The following KIAA1549L variants were observed in gnomAD, a reference collection of about 807,000 sequenced individuals.
KIAA1549L encodes the protein UPF0606 protein KIAA1549L.
A neutral mutation model predicts 160.7 loss-of-function variants in KIAA1549L; 88 were observed. The observed-to-expected ratio is 0.55, with a 90% CI of 0.46 to 0.65. KIAA1549L has a LOEUF of 0.65. KIAA1549L is among the 30% of genes least tolerant of loss of function. The pLI is 0.00. For synonymous variants in KIAA1549L, 950 were observed against 976.7 expected, an observed-to-expected ratio of 0.97 and a Z score of 0.51; for missense variants, 2,258 against 2,437.5, an observed-to-expected ratio of 0.93 and a Z score of 1.55.
intron 16 of KIAA1549L, among the ~76,000 whole-genome samples, chr11:33,638,475 G>C (rs181558034): frequency 3.9e-5 from 2 of 51,812 alleles, no homozygotes; most frequent in African/African-American, 1.2e-4. Context: ...TCATCTATGA[G>C]TATTTTATTC....
chr11:33,450,453 A>G (rs1278970600), intron 1 of KIAA1549L, among the ~76,000 whole-genome samples: 1 of 152,026 alleles, frequency 6.6e-6, no homozygotes, highest in East Asian at 1.9e-4. Context: ...CCAGCTACTC[A>G]GGAGACTGAG....
At chr11:33,379,425 T>G (rs555491063) in intron 1 of KIAA1549L, among the ~76,000 whole-genome samples, 84 of 152,318 alleles carry the variant, frequency 5.5e-4, no homozygotes, top group Non-Finnish European at 9.7e-4. Context: ...TCCGTCTTGC[T>G]TCCAGTCAGT....
At chr11:33,559,598 G>A (rs1036935564) in intron 6 of KIAA1549L, 151 bp from the exon 7 acceptor site, 8 of 640,228 alleles carry the variant, frequency 1.2e-5, no homozygotes, top group Admixed American at 1.0e-4. Flanking sequence ...AAATGATGAC[G>A]GTTACTCTTG....
At chr11:33,589,488 A>G (rs1009849512) in intron 11 of KIAA1549L, among the ~76,000 whole-genome samples, 3 of 152,314 alleles carry the variant, frequency 2.0e-5, no homozygotes, top group Non-Finnish European at 4.4e-5. Flanking sequence ...CACTATTCAC[A>G]ATAGCAAAGA....
chr11:33,575,526 C>T (rs1855416415), intron 10 of KIAA1549L, among the ~76,000 whole-genome samples: 1 of 152,196 alleles, frequency 6.6e-6, no homozygotes, highest in African/African-American at 2.4e-5. Flanking sequence ...AGTGTTTACT[C>T]AGATCTAAAC....
chr11:33,562,743 G>A (rs1247798822), intron 8 of KIAA1549L, among the ~76,000 whole-genome samples: 1 of 150,234 alleles, frequency 6.7e-6, no homozygotes, highest in African/African-American at 2.5e-5. Flanking sequence ...CAATGACGCG[G>A]TCTCGGCTCA....
At chr11:33,637,429 A>T (rs1403612357) in intron 16 of KIAA1549L, among the ~76,000 whole-genome samples, 1 of 152,230 alleles carries the variant, frequency 6.6e-6, no homozygotes, top group East Asian at 1.9e-4. Flanking sequence ...ACAACAGTCC[A>T]GCCTTCTTAC....
chr11:33,568,225 C>A lies in KIAA1549L; in HGVS notation c.4228C>A (p.Gln1410Lys). The part of the protein sequence containing the change: ...RATTLGSYTV[Q>K]MVKMQRVPGP... Reference sequence around the variant, plus strand: ...CACCACCCTGGGAAGCTACACTGTGCAGGTAGGTGTATACAGAGCCACTGG... The same window carrying A: ...CACCACCCTGGGAAGCTACACTGTGAAGGTAGGTGTATACAGAGCCACTGG... Residue 1410 changes from glutamine (Q) to lysine (K), a missense_variant and splice_region_variant, in exon 9 of 21, where the codon CAG (glutamine) becomes AAG (lysine). Gln to Lys is a moderately conservative substitution (Grantham distance 53, BLOSUM62 1). Coordinates refer to ENST00000658780, the MANE Select transcript of KIAA1549L (RefSeq NM_012194.3). 6.2e-7 allele frequency: 1 copy of A among 1,611,958 alleles called. No individual in the cohort carries two copies. Among genetic ancestry groups the A allele is most frequent in the Admixed American group, 1.7e-5 (1 of 59,856 alleles).
chr11:33,637,010 G>A (rs1349992624), intron 16 of KIAA1549L, among the ~76,000 whole-genome samples: 1 of 152,162 alleles, frequency 6.6e-6, no homozygotes, highest in Admixed American at 6.5e-5. Flanking sequence ...GCTCTCCAGG[G>A]AGGTGACTTT....
At chr11:33,563,237 T>G (rs1280729363) in intron 8 of KIAA1549L, among the ~76,000 whole-genome samples, 1 of 150,958 alleles carries the variant, frequency 6.6e-6, no homozygotes, top group Non-Finnish European at 1.5e-5. Flanking sequence ...TAATCCCAGC[T>G]ATTTGGGAGG....
chr11:33,542,406 C>A lies in KIAA1549L; in HGVS notation c.843C>A (p.Pro281=). 1 of 1,496,020 alleles carries A rather than the reference C, an allele frequency of 6.7e-7. No individual in the cohort carries two copies. Among genetic ancestry groups the A allele is most frequent in the South Asian group, 1.3e-5 (1 of 77,354 alleles). The allele number at this position is 1,496,020 out of a possible 1,614,324, so 92.7% of individuals were successfully genotyped here. Residue 281 remains proline (P), a synonymous_variant, in exon 2 of 21, where the codon CCC becomes CCA. Transcript: ENST00000658780. Reference sequence around the variant, plus strand: ...TTCCCCAAACAGCTCCAGCCGACCCCTCTTTAGGTCAGAACATAGCTAATC... The same window carrying A: ...TTCCCCAAACAGCTCCAGCCGACCCATCTTTAGGTCAGAACATAGCTAATC... ...LLVPQTAPAD[P]SLGQNIANPL...
chr11:33,581,769 A>C (rs964331501), intron 10 of KIAA1549L, among the ~76,000 whole-genome samples: 3 of 152,198 alleles, frequency 2.0e-5, no homozygotes, highest in Non-Finnish European at 4.4e-5. Flanking sequence ...GGATGACTTC[A>C]GTTGACCTAA....
intron 17 of KIAA1549L, among the ~76,000 whole-genome samples, chr11:33,655,101 C>G (rs529326362): frequency 6.6e-6 from 1 of 152,210 alleles, no homozygotes; most frequent in Non-Finnish European, 1.5e-5. Flanking sequence ...TAGATTTTCT[C>G]TTGCTAAAGG....
At chr11:33,493,582 G>A (rs1405481792) in intron 1 of KIAA1549L, among the ~76,000 whole-genome samples, 2 of 152,134 alleles carry the variant, frequency 1.3e-5, no homozygotes, top group African/African-American at 4.8e-5. Context: ...TTTCCTATAG[G>A]GGAGAAAAGG....
intron 1 of KIAA1549L, among the ~76,000 whole-genome samples, chr11:33,493,230 C>T (rs1019132015): frequency 1.3e-5 from 2 of 152,038 alleles, no homozygotes; most frequent in South Asian, 4.2e-4. Flanking sequence ...AGGAGGGGCT[C>T]CAACCCTCAT....
At chr11:33,464,831 T>A (rs1590264783) in intron 1 of KIAA1549L, among the ~76,000 whole-genome samples, 1 of 152,218 alleles carries the variant, frequency 6.6e-6, no homozygotes, top group East Asian at 1.9e-4. Context: ...CACCTCCTTG[T>A]GCTTGATTCA....
intron 1 of KIAA1549L, among the ~76,000 whole-genome samples, chr11:33,521,679 T>C (rs971651373): frequency 6.6e-6 from 1 of 152,184 alleles, no homozygotes; most frequent in African/African-American, 2.4e-5. Context: ...TAGCAAATGA[T>C]ATATGTCTCT....
Position 33,510,752 on chromosome 11 carries a change from G to A in KIAA1549L, c.239-31050G>A, listed in dbSNP as rs143436096. ...TGACCTCCTGGGGAGTAAGAAGAGAGGTGAGGCAAGTGCAGAGGCCGCTCC... is the reference window on the plus strand; with the variant it reads ...TGACCTCCTGGGGAGTAAGAAGAGAAGTGAGGCAAGTGCAGAGGCCGCTCC... On this transcript the variant is annotated intron_variant, in intron 1 of 20. Transcript: ENST00000658780. 7.0e-4 allele frequency among the ~76,000 whole-genome samples: 107 copies of A among 152,372 alleles called. 2 individuals carry two copies. In the East Asian group the frequency reaches 0.019, roughly 27 times the overall value.
At chr11:33,493,411 GT>G (rs1326307572) in intron 1 of KIAA1549L, among the ~76,000 whole-genome samples, 2 of 152,112 alleles carry the variant, frequency 1.3e-5, no homozygotes, top group Non-Finnish European at 2.9e-5. Context: ...AGAAATAAAT[GT>G]CTTTTCTTTA....
Sources: allele counts gnomAD v4.1 joint callset (sites outside exome capture counted in the v4.1 genomes callset), GRCh38; gene constraint gnomAD v4.1.1; transcripts MANE v1.5; gene names NCBI Gene and HGNC (gene_info 2026-07-23, HGNC 2026-07-21).